Variants in CRB1 observed in about 807,000 individuals in gnomAD.
CRB1 encodes the protein crumbs cell polarity complex component 1.
In CRB1, 83 loss-of-function variants were observed where a neutral mutation model predicts 120.0. That is an observed-to-expected ratio of 0.69 (90% confidence interval 0.58 to 0.83). The LOEUF is 0.83. Among genes scored for constraint, CRB1 ranks in the 40% least tolerant of loss-of-function variants. CRB1 has a pLI of 0.00. For missense variants in CRB1, 1,699 were observed against 1,687.6 expected (o/e 1.01, Z -0.12); for synonymous variants, 625 against 612.5 (o/e 1.02, Z -0.30).
chr1:197,311,127 C>A (rs1016704741), intron 1 of CRB1, among the ~76,000 whole-genome samples: 1 of 152,174 alleles, frequency 6.6e-6, no homozygotes, highest in African/African-American at 2.4e-5. Flanking sequence ...GTAGCCAAGA[C>A]ATGGAAATAA....
intron 5 of CRB1, among the ~76,000 whole-genome samples, chr1:197,370,045 C>T (rs373001268): frequency 2.1e-4 from 32 of 152,146 alleles, no homozygotes; most frequent in Non-Finnish European, 4.0e-4. Flanking sequence ...TCCAGCGAAA[C>T]TGAGCCTCAT....
intron 10 of CRB1, chr1:197,438,893 A>G (rs1665294321): frequency 1.5e-5 from 7 of 470,582 alleles, no homozygotes; most frequent in Non-Finnish European, 1.5e-5. Context: ...AAATAGGGAA[A>G]AATGATTTTT....
intron 5 of CRB1, among the ~76,000 whole-genome samples, chr1:197,394,030 A>AGCGGTTTGG (rs1184019885): frequency 6.6e-6 from 1 of 152,120 alleles, no homozygotes; most frequent in Admixed American, 6.6e-5. Flanking sequence ...CACTATATAT[A>AGCGGTTTGG]GTTGACCCTA....
chr1:197,203,824 G>A, the CRB1 span, among the ~76,000 whole-genome samples: 3 of 152,080 alleles, frequency 2.0e-5, no homozygotes, highest in South Asian at 6.2e-4. Flanking sequence ...ATATGTTTAG[G>A]GGAACAGGTG....
intron 1 of CRB1, among the ~76,000 whole-genome samples, chr1:197,277,827 T>C (rs1449299812): frequency 2.0e-5 from 3 of 151,874 alleles, no homozygotes; most frequent in African/African-American, 7.3e-5. Context: ...GGTTATATTA[T>C]CTAATTACCA....
At chr1:197,409,587 G>T (rs1474432295) in intron 5 of CRB1, among the ~76,000 whole-genome samples, 2 of 151,860 alleles carry the variant, frequency 1.3e-5, no homozygotes, top group African/African-American at 4.8e-5. Context: ...TTTTCGGAGG[G>T]AGCATGTTGT....
At chr1:197,392,395 A>G (rs756809161) in intron 5 of CRB1, among the ~76,000 whole-genome samples, 2 of 152,134 alleles carry the variant, frequency 1.3e-5, no homozygotes, top group African/African-American at 2.4e-5. Context: ...ATAATTATAG[A>G]CAGCTGGAAT....
rs1659833042 is a variant in CRB1 at position 197,347,329 on chromosome 1, T to C, written c.849-11T>C. On this transcript the variant is annotated splice_polypyrimidine_tract_variant and intron_variant, in intron 3 of 11. Coordinates refer to ENST00000367400, the MANE Select transcript of CRB1 (RefSeq NM_201253.3). ...CTAAGAGTTGACATGAAAATTTCAT[T>C]TACTTTCCAGATATAGCTGTAACTG... 2 of 1,612,682 alleles carry C rather than the reference T, an allele frequency of 1.2e-6. No individual in the cohort carries two copies. The highest frequency in any genetic ancestry group is 1.3e-5 in the African/African-American group (1 of 74,896).
the CRB1 span, among the ~76,000 whole-genome samples, chr1:197,242,616 A>T: frequency 6.6e-6 from 1 of 152,154 alleles, no homozygotes; most frequent in Admixed American, 6.5e-5. Flanking sequence ...GATGTTCATC[A>T]GAGATATTGG....
rs1353609420 is a variant in CRB1 at position 197,429,437 on chromosome 1, T to G, written c.2677-12T>G. ...CAGTGCTTTTTATACCTTTGATTTC[T>G]TTTCTGCTCAGTCCAACCCCTGTCA... is the stretch of plus-strand genomic sequence containing the variant. On this transcript the variant is annotated splice_polypyrimidine_tract_variant and intron_variant, in intron 7 of 11. Coordinates refer to ENST00000367400, the MANE Select transcript of CRB1 (RefSeq NM_201253.3). The G allele has an allele frequency of 6.2e-7, 1 of 1,613,890 alleles. No individual in the cohort carries two copies. The highest frequency in any genetic ancestry group is 1.7e-5 in the Admixed American group (1 of 59,996).
chr1:197,300,956 G>A (rs1463275539), intron 1 of CRB1, among the ~76,000 whole-genome samples: 1 of 151,766 alleles, frequency 6.6e-6, no homozygotes, highest in Non-Finnish European at 1.5e-5. Flanking sequence ...AAGCCTGGAT[G>A]ACAGCACATC....
At chr1:197,254,874 T>C in the CRB1 span, among the ~76,000 whole-genome samples, 374 of 152,204 alleles carry the variant, frequency 2.5e-3, 4 homozygotes, top group African/African-American at 8.0e-3. Context: ...GTAACACATA[T>C]ATGCACATTT....
chr1:197,413,808 A>G, intron 5 of CRB1: 1 of 390,926 alleles, frequency 2.6e-6, no homozygotes, highest in Non-Finnish European at 5.2e-6. Flanking sequence ...AGTCAAAACC[A>G]AGTCCCCATA....
chr1:197,294,700 T>C (rs974963784), intron 1 of CRB1, among the ~76,000 whole-genome samples: 1 of 152,126 alleles, frequency 6.6e-6, no homozygotes. Context: ...ATGTGGCACA[T>C]ATACACCATG....
chr1:197,434,717 G>A lies in CRB1; in HGVS notation c.2854G>A (p.Ala952Thr). 6.2e-7 allele frequency: 1 copy of A among 1,613,026 alleles called. No individual in the cohort carries two copies. The highest frequency in any genetic ancestry group is 8.5e-7 in the Non-Finnish European group (1 of 1,179,260). ...VLQGFECIAN[A>T]VFNGQSGQIL... ...CCTTCTCTCATTAGGTATTGCAAAT[G>A]CTGTTTTTAATGGACAAAGCGGTCA... is the stretch of plus-strand genomic sequence containing the variant. The change falls in exon 9 of 12, where the codon GCT (alanine) becomes ACT (threonine). Residue 952 changes from alanine (A) to threonine (T), a missense_variant. Ala to Thr is a moderately conservative substitution (Grantham distance 58). Coordinates refer to ENST00000367400, the MANE Select transcript of CRB1 (RefSeq NM_201253.3).
At chr1:197,300,648 A>G (rs2125253127) in intron 1 of CRB1, among the ~76,000 whole-genome samples, 1 of 152,342 alleles carries the variant, frequency 6.6e-6, no homozygotes, top group East Asian at 1.9e-4. Context: ...AAGGTGCAGC[A>G]AGTTATTCTT....
the CRB1 span, among the ~76,000 whole-genome samples, chr1:197,249,977 G>A: frequency 1.3e-5 from 2 of 151,934 alleles, no homozygotes; most frequent in African/African-American, 2.4e-5. Flanking sequence ...TCAAGTTGTG[G>A]TCAATATCTA....
the CRB1 span, among the ~76,000 whole-genome samples, chr1:197,203,097 GA>G: frequency 2.1e-4 from 32 of 152,178 alleles, no homozygotes; most frequent in African/African-American, 7.7e-4. Flanking sequence ...CGTATTAACA[GA>G]ATGAAAGATG....
chr1:197,248,441 A>C, the CRB1 span, among the ~76,000 whole-genome samples: 2 of 152,000 alleles, frequency 1.3e-5, no homozygotes, highest in African/African-American at 4.8e-5. Flanking sequence ...GATTGAAATA[A>C]GTGTTAGGCA....
Sources: gnomAD v4.1 joint callset for allele counts (sites outside exome capture counted in the v4.1 genomes callset) on GRCh38, gnomAD v4.1.1 for gene constraint, MANE v1.5 for transcripts, NCBI Gene and HGNC (gene_info 2026-07-23, HGNC 2026-07-21) for gene names.